Variants in RMDN2 observed in about 807,000 individuals in gnomAD.
RMDN2 encodes regulator of microtubule dynamics 2.
RMDN2 carries 61 observed loss-of-function variants against 52.8 expected under a neutral mutation model. The ratio of observed to expected loss-of-function variants is 1.16; its 90% CI spans 0.94 to 1.43. The LOEUF is 1.43. RMDN2 is among the 40% of genes most tolerant of loss of function. The probability of loss-of-function intolerance (pLI) is 0.00; values close to 1 mark genes in which losing one functional copy is unlikely to be tolerated. For missense variants in RMDN2, 592 were observed against 475.3 expected (o/e 1.25, Z -2.28); for synonymous variants, 180 against 153.1 (o/e 1.18, Z -1.30).
chr2:37,978,896 C>G (rs893337776), intron 4 of RMDN2, among the ~76,000 whole-genome samples: 12 of 152,250 alleles, frequency 7.9e-5, no homozygotes, highest in Middle Eastern at 3.4e-3. Flanking sequence ...GGAAGTCTTT[C>G]TTATGGAAGT....
At chr2:38,062,209 G>A (rs1010122554) in intron 10 of RMDN2, among the ~76,000 whole-genome samples, 2 of 152,166 alleles carry the variant, frequency 1.3e-5, no homozygotes, top group African/African-American at 4.8e-5. Flanking sequence ...AACTCCACCA[G>A]GCTATCCTTT....
chr2:37,965,247 G>C (rs1670878172), intron 2 of RMDN2, among the ~76,000 whole-genome samples: 1 of 151,612 alleles, frequency 6.6e-6, no homozygotes, highest in East Asian at 1.9e-4. Flanking sequence ...AGATAGGAAA[G>C]GACTTATTAT....
At chr2:38,013,608 A>G (rs1278884872) in intron 10 of RMDN2, among the ~76,000 whole-genome samples, 1 of 152,248 alleles carries the variant, frequency 6.6e-6, no homozygotes, top group Non-Finnish European at 1.5e-5. Flanking sequence ...CTTAGTAACA[A>G]AATCCTAATT....
intron 10 of RMDN2, among the ~76,000 whole-genome samples, chr2:38,052,857 G>A (rs1455829382): frequency 1.3e-5 from 2 of 152,180 alleles, no homozygotes; most frequent in Non-Finnish European, 2.9e-5. Context: ...GGTGGGCAAT[G>A]CTGCACTCAC....
chr2:37,963,552 A>C (rs1269869078), intron 2 of RMDN2, among the ~76,000 whole-genome samples: 1 of 152,138 alleles, frequency 6.6e-6, no homozygotes, highest in African/African-American at 2.4e-5. Context: ...GCATCTGTTT[A>C]ACAAAGCACA....
chr2:37,985,192 T>G (rs1224060461), intron 5 of RMDN2, among the ~76,000 whole-genome samples: 1 of 152,064 alleles, frequency 6.6e-6, no homozygotes, highest in Non-Finnish European at 1.5e-5. Context: ...CCTAGAGATA[T>G]CCATAAGTAG....
At chr2:37,944,547 A>C (rs184435658) in intron 2 of RMDN2, among the ~76,000 whole-genome samples, 18 of 152,300 alleles carry the variant, frequency 1.2e-4, no homozygotes, top group African/African-American at 4.3e-4. Context: ...GTAGCCTTTC[A>C]CTTCTAATGT....
At chr2:38,037,782 T>G (rs961605075) in intron 10 of RMDN2, among the ~76,000 whole-genome samples, 7 of 152,232 alleles carry the variant, frequency 4.6e-5, no homozygotes, top group Admixed American at 2.0e-4. Flanking sequence ...CTGCGTGAGC[T>G]TTATGCACTT....
At chr2:38,051,948 T>C (rs1159301397) in intron 10 of RMDN2, among the ~76,000 whole-genome samples, 2 of 152,240 alleles carry the variant, frequency 1.3e-5, no homozygotes, top group East Asian at 1.9e-4. Flanking sequence ...TGATTTCATG[T>C]CTTGGCTATT....
At chr2:38,066,779 T>C in intron 10 of RMDN2, 1 of 561,162 alleles carries the variant, frequency 1.8e-6, no homozygotes, top group Non-Finnish European at 3.2e-6. Context: ...GGAATATTTT[T>C]CCCATGAAAA....
At chr2:38,042,519 T>C (rs1468520153) in intron 10 of RMDN2, among the ~76,000 whole-genome samples, 9 of 152,014 alleles carry the variant, frequency 5.9e-5, no homozygotes, top group Non-Finnish European at 1.3e-4. Context: ...TGGTTTCTAC[T>C]CTAATTTTTT....
chr2:38,017,121 T>G, intron 10 of RMDN2, 65 bp from the exon 11 acceptor site: 1 of 1,047,518 alleles, frequency 9.5e-7, no homozygotes, highest in African/African-American at 1.6e-5. Flanking sequence ...TAAGTCTGTT[T>G]CAGCATGCTA....
At chr2:38,045,638 A>AT (rs1681225848) in intron 10 of RMDN2, among the ~76,000 whole-genome samples, 1 of 135,094 alleles carries the variant, frequency 7.4e-6, no homozygotes, top group Non-Finnish European at 1.7e-5. Context: ...GATCAAATAC[A>AT]TAAAAAAATT....
intron 2 of RMDN2, among the ~76,000 whole-genome samples, chr2:37,954,616 G>C (rs6716023): frequency 0.014 from 2,085 of 152,138 alleles, 47 homozygotes; most frequent in African/African-American, 0.043. Flanking sequence ...TTTGTAGTAG[G>C]TTTGAAAATC....
chr2:38,042,246 A>T (rs1680998586), intron 10 of RMDN2, among the ~76,000 whole-genome samples: 1 of 151,880 alleles, frequency 6.6e-6, no homozygotes, highest in Non-Finnish European at 1.5e-5. Context: ...AGCTATTTAT[A>T]CTCTTTCTTT....
intron 5 of RMDN2, among the ~76,000 whole-genome samples, chr2:37,983,108 A>G (rs998694781): frequency 9.9e-5 from 15 of 150,766 alleles, no homozygotes; most frequent in South Asian, 2.1e-4. Flanking sequence ...TCCCTCGTCT[A>G]TTGCTCTTCC....
chr2:38,064,495 A>G (rs7563567), intron 10 of RMDN2, among the ~76,000 whole-genome samples: 1 of 152,118 alleles, frequency 6.6e-6, no homozygotes. Context: ...ATCTCAAAAA[A>G]AAAAAGAAAG....
intron 4 of RMDN2, among the ~76,000 whole-genome samples, chr2:37,981,050 G>C (rs1173392804): frequency 6.6e-6 from 1 of 152,174 alleles, no homozygotes; most frequent in African/African-American, 2.4e-5. Flanking sequence ...TCAAACCTTA[G>C]CATACATCAG....
At position 38,004,255 on chromosome 2, in the gene RMDN2, T is replaced by G. The variant is rs754142141; in HGVS notation, c.1179+39T>G. 2.9e-5 allele frequency: 41 copies of G among 1,404,482 alleles called. 1 individual carries two copies. In the Admixed American group the frequency reaches 6.4e-4, roughly 22 times the overall value. 87.0% of individuals were successfully genotyped at this position (1,404,482 alleles called of 1,614,324 possible). On this transcript the variant is annotated intron_variant, in intron 10 of 10. Coordinates refer to ENST00000354545, the MANE Select transcript of RMDN2 (RefSeq NM_001170791.3). ...GTGACAGTGAGTGCTGTTGTCTTGT[T>G]AGTACTATTCGAGCTCAAAACAGGA... is the stretch of plus-strand genomic sequence containing the variant.
Sources: gnomAD v4.1 joint callset for allele counts (sites outside exome capture counted in the v4.1 genomes callset) on GRCh38, gnomAD v4.1.1 for gene constraint, MANE v1.5 for transcripts, NCBI Gene and HGNC (gene_info 2026-07-23, HGNC 2026-07-21) for gene names.